Variants in NDST3 observed in about 807,000 individuals in gnomAD.
The protein encoded by NDST3 is N-deacetylase and N-sulfotransferase 3, also known as bifunctional heparan sulfate N-deacetylase/N-sulfotransferase 3.
A neutral mutation model predicts 96.1 loss-of-function variants in NDST3; 58 were observed. The ratio of observed to expected loss-of-function variants is 0.60; its 90% CI spans 0.49 to 0.75. NDST3 has a LOEUF of 0.75. Among genes scored for constraint, NDST3 ranks in the 30% least tolerant of loss-of-function variants. NDST3 has a pLI of 0.00. For missense variants in NDST3, 788 were observed against 1,034.2 expected, an observed-to-expected ratio of 0.76 and a Z score of 3.27; for synonymous variants, 333 against 359.7, an observed-to-expected ratio of 0.93 and a Z score of 0.84.
chr4:118,062,802 AGAAT>A (rs1267687444), intron 2 of NDST3, among the ~76,000 whole-genome samples: 5 of 152,308 alleles, frequency 3.3e-5, no homozygotes, highest in African/African-American at 1.2e-4. Context: ...ACGTTCTAAA[AGAAT>A]GAGTTATAAA....
rs538852936 is a variant in NDST3 at position 118,192,515 on chromosome 4, T to C, written c.1540-31976T>C. ...CTTCTGCATATGGATATCCAGTTTT[T>C]CCAGCACTATTTATTGAAGAGATTG... is the stretch of plus-strand genomic sequence containing the variant. On this transcript the variant is annotated intron_variant, in intron 6 of 13. Coordinates refer to ENST00000296499, the MANE Select transcript of NDST3 (RefSeq NM_004784.3). 1.7e-3 allele frequency among the ~76,000 whole-genome samples: 259 copies of C among 152,292 alleles called. 1 individual carries two copies. The highest frequency in any genetic ancestry group is 2.9e-3 in the Non-Finnish European group (195 of 68,012).
At chr4:118,103,986 T>C (rs1293183304) in intron 2 of NDST3, among the ~76,000 whole-genome samples, 1 of 152,172 alleles carries the variant, frequency 6.6e-6, no homozygotes, top group African/African-American at 2.4e-5. Context: ...CATGGGGTAG[T>C]CAATGAATAA....
At chr4:118,248,724 T>C (rs1178980112) in intron 12 of NDST3, among the ~76,000 whole-genome samples, 1 of 152,248 alleles carries the variant, frequency 6.6e-6, no homozygotes, top group Non-Finnish European at 1.5e-5. Flanking sequence ...GTTTCCTTGC[T>C]GTTCCACCAG....
intron 6 of NDST3, among the ~76,000 whole-genome samples, chr4:118,181,571 G>C (rs1380613452): frequency 1.3e-5 from 2 of 152,060 alleles, no homozygotes; most frequent in African/African-American, 2.4e-5. Context: ...AGACCAGAGA[G>C]GCCTTAAATA....
chr4:118,088,530 G>A (rs1298421430), intron 2 of NDST3, among the ~76,000 whole-genome samples: 1 of 151,962 alleles, frequency 6.6e-6, no homozygotes, highest in African/African-American at 2.4e-5. Context: ...CAGGATACCT[G>A]AAGAAACAAC....
chr4:118,055,033 C>A, intron 2 of NDST3, 142 bp downstream of exon 2: 2 of 937,852 alleles, frequency 2.1e-6, no homozygotes, highest in Middle Eastern at 2.1e-4. Context: ...ATCGCTCACC[C>A]TAAATCAACT....
chr4:118,218,873 A>T (rs934099485), intron 6 of NDST3, among the ~76,000 whole-genome samples: 3 of 152,162 alleles, frequency 2.0e-5, no homozygotes, highest in African/African-American at 7.2e-5. Context: ...GTGCAAAAAA[A>T]TCAGAAGCAA....
At chr4:118,204,501 C>G (rs1212836168) in intron 6 of NDST3, among the ~76,000 whole-genome samples, 1 of 144,254 alleles carries the variant, frequency 6.9e-6, no homozygotes, top group African/African-American at 2.6e-5. Flanking sequence ...TTGGTTACAG[C>G]TCAACATTTG....
At chr4:118,233,275 T>C (rs1578851647) in intron 9 of NDST3, 140 bp downstream of exon 9, 1 of 705,066 alleles carries the variant, frequency 1.4e-6, no homozygotes, top group Non-Finnish European at 2.0e-6. Context: ...TTGAATATCA[T>C]AAAGGGGCTC....
chr4:118,173,318 C>A (rs1379560768), intron 6 of NDST3, among the ~76,000 whole-genome samples: 1 of 152,128 alleles, frequency 6.6e-6, no homozygotes, highest in Non-Finnish European at 1.5e-5. Flanking sequence ...AGCCCACATT[C>A]TTTCCACTGT....
intron 6 of NDST3, among the ~76,000 whole-genome samples, chr4:118,198,364 C>A (rs1207083673): frequency 6.6e-6 from 1 of 152,104 alleles, no homozygotes; most frequent in African/African-American, 2.4e-5. Flanking sequence ...ATGAAGCTTG[C>A]AAATACTACG....
intron 2 of NDST3, among the ~76,000 whole-genome samples, chr4:118,087,256 A>G (rs925114985): frequency 1.3e-5 from 2 of 152,184 alleles, no homozygotes; most frequent in African/African-American, 4.8e-5. Flanking sequence ...GTAAAAGGAC[A>G]ATGTAACTTT....
intron 2 of NDST3, among the ~76,000 whole-genome samples, chr4:118,097,540 C>T (rs1003161235): frequency 1.3e-5 from 2 of 151,878 alleles, no homozygotes; most frequent in Non-Finnish European, 2.9e-5. Flanking sequence ...GGGTATGTTG[C>T]CTTTGCTCAG....
At chr4:118,123,067 T>C (rs1386420305) in intron 4 of NDST3, among the ~76,000 whole-genome samples, 4 of 152,166 alleles carry the variant, frequency 2.6e-5, no homozygotes, top group African/African-American at 9.7e-5. Context: ...CTTTAAGGAA[T>C]TATATTTTTA....
intron 1 of NDST3, among the ~76,000 whole-genome samples, chr4:118,043,795 C>T (rs1235532059): frequency 6.6e-6 from 1 of 152,236 alleles, no homozygotes; most frequent in Admixed American, 6.5e-5. Flanking sequence ...AGAATCTGCA[C>T]CAGAGACTGA....
intron 3 of NDST3, among the ~76,000 whole-genome samples, chr4:118,111,535 ATTTTTT>A (rs149834516): frequency 6.0e-5 from 8 of 132,434 alleles, no homozygotes; most frequent in African/African-American, 1.7e-4. Flanking sequence ...TTTAATCATG[ATTTTTT>A]TTTTTTTTTT....
intron 3 of NDST3, among the ~76,000 whole-genome samples, chr4:118,106,871 G>A (rs187807951): frequency 1.4e-3 from 207 of 152,056 alleles, no homozygotes; most frequent in African/African-American, 4.8e-3. Context: ...CGGGTGGATC[G>A]CGAGGTCAGG....
At chr4:118,063,078 T>C (rs2110470966) in intron 2 of NDST3, among the ~76,000 whole-genome samples, 1 of 151,518 alleles carries the variant, frequency 6.6e-6, no homozygotes, top group Admixed American at 6.6e-5. Context: ...TAGTCCCAGC[T>C]ACTCCGGAGG....
intron 1 of NDST3, among the ~76,000 whole-genome samples, chr4:118,038,250 TC>T (rs35050001): frequency 7.0e-4 from 106 of 152,226 alleles, no homozygotes; most frequent in African/African-American, 2.4e-3. Flanking sequence ...GCAGACATTT[TC>T]CCCCTTAAGT....
Sources: gnomAD v4.1 joint callset for allele counts (sites outside exome capture counted in the v4.1 genomes callset) on GRCh38, gnomAD v4.1.1 for gene constraint, MANE v1.5 for transcripts, NCBI Gene and HGNC (gene_info 2026-07-23, HGNC 2026-07-21) for gene names.